SLC38A9: variants seen among roughly 807,000 people sequenced by gnomAD.
SLC38A9 encodes neutral amino acid transporter 9.
Under a neutral mutation model 62.3 loss-of-function variants are expected in SLC38A9, and 48 were observed. The observed-to-expected ratio is 0.77, with a 90% CI of 0.61 to 0.98. The LOEUF (loss-of-function observed/expected upper bound fraction) is 0.98. Among genes scored for constraint, SLC38A9 ranks in the 50% least tolerant of loss-of-function variants. The probability of loss-of-function intolerance (pLI) is 0.00; values close to 1 mark genes in which losing one functional copy is unlikely to be tolerated. For missense variants in SLC38A9, 541 were observed against 679.8 expected (o/e 0.80, Z 2.27); for synonymous variants, 204 against 227.7 (o/e 0.90, Z 0.94).
chr5:55,699,566 A>T (rs1756375728), intron 2 of SLC38A9, among the ~76,000 whole-genome samples: 1 of 152,358 alleles, frequency 6.6e-6, no homozygotes, highest in South Asian at 2.1e-4. Flanking sequence ...AGAACAAGAA[A>T]CAAAAGCAGA....
chr5:55,651,248 C>CT (rs1157691760), intron 10 of SLC38A9, among the ~76,000 whole-genome samples: 4,655 of 117,552 alleles, frequency 0.04, 188 homozygotes, highest in African/African-American at 0.083. Flanking sequence ...CTTTTGCCAT[C>CT]TTTTTTTTTT....
chr5:55,665,293 C>G (rs1750273730), intron 7 of SLC38A9, among the ~76,000 whole-genome samples: 1 of 151,978 alleles, frequency 6.6e-6, no homozygotes, highest in Admixed American at 6.6e-5. Flanking sequence ...TGTCTGTAAT[C>G]CCAGCACGTT....
chr5:55,646,196 C>T (rs530682080), intron 11 of SLC38A9, among the ~76,000 whole-genome samples: 19 of 152,154 alleles, frequency 1.2e-4, no homozygotes, highest in African/African-American at 4.3e-4. Flanking sequence ...GCCAACATGG[C>T]GAAACCTTGT....
intron 3 of SLC38A9, chr5:55,691,098 T>C (rs543320936): frequency 1.7e-5 from 12 of 693,630 alleles, no homozygotes; most frequent in South Asian, 3.0e-5. Flanking sequence ...GCAGTAGGAA[T>C]GCTGCCTGTA....
At chr5:55,707,122 ATCT>A (rs1391716413) in intron 2 of SLC38A9, among the ~76,000 whole-genome samples, 1 of 151,688 alleles carries the variant, frequency 6.6e-6, no homozygotes, top group African/African-American at 2.4e-5. Flanking sequence ...GCCTCAAGTA[ATCT>A]TCTTGCCTCA....
At chr5:55,697,733 C>G in intron 3 of SLC38A9, 113 bp downstream of exon 3, 1 of 507,160 alleles carries the variant, frequency 2.0e-6, no homozygotes, top group Non-Finnish European at 3.4e-6. Context: ...CACACAAATC[C>G]TGTAAGAAAG....
chr5:55,672,776 T>G, intron 3 of SLC38A9, 81 bp from the exon 4 acceptor site: 1 of 1,431,498 alleles, frequency 7.0e-7, no homozygotes, highest in Non-Finnish European at 9.5e-7. Flanking sequence ...TAACTTCTTA[T>G]CCTCCATTAG....
chr5:55,683,891 C>CAATG (rs1753390259), intron 3 of SLC38A9, among the ~76,000 whole-genome samples: 1 of 152,100 alleles, frequency 6.6e-6, no homozygotes, highest in East Asian at 1.9e-4. Flanking sequence ...TACATTTTTA[C>CAATG]TGATTATAAA....
At chr5:55,688,798 A>G (rs1261962123) in intron 3 of SLC38A9, among the ~76,000 whole-genome samples, 2 of 152,228 alleles carry the variant, frequency 1.3e-5, no homozygotes, top group East Asian at 1.9e-4. Context: ...AACTCTCACT[A>G]TAATAGAAAA....
At chr5:55,699,348 G>GT (rs1428367595) in intron 2 of SLC38A9, among the ~76,000 whole-genome samples, 1 of 152,196 alleles carries the variant, frequency 6.6e-6, no homozygotes, top group Non-Finnish European at 1.5e-5. Context: ...ATGAGAATTT[G>GT]CAAGGAACAC....
intron 8 of SLC38A9, among the ~76,000 whole-genome samples, chr5:55,661,768 G>T (rs1039208479): frequency 1.3e-5 from 2 of 152,140 alleles, no homozygotes; most frequent in Non-Finnish European, 2.9e-5. Flanking sequence ...CCACTAATTA[G>T]AAGATATTTG....
At chr5:55,654,144 A>G (rs928941370) in intron 9 of SLC38A9, among the ~76,000 whole-genome samples, 1 of 152,218 alleles carries the variant, frequency 6.6e-6, no homozygotes, top group Admixed American at 6.5e-5. Flanking sequence ...ATCATTTGTC[A>G]AAGAGAAAGA....
At chr5:55,644,770 G>C (rs1364114738) in intron 12 of SLC38A9, among the ~76,000 whole-genome samples, 1 of 151,998 alleles carries the variant, frequency 6.6e-6, no homozygotes, top group Non-Finnish European at 1.5e-5. Flanking sequence ...ACAATATGCA[G>C]ATTAGTTACA....
intron 2 of SLC38A9, among the ~76,000 whole-genome samples, chr5:55,710,125 T>C (rs1351552217): frequency 6.8e-6 from 1 of 146,602 alleles, no homozygotes; most frequent in Non-Finnish European, 1.5e-5. Flanking sequence ...AATCTAAGTC[T>C]AACTGTTCTC....
intron 8 of SLC38A9, among the ~76,000 whole-genome samples, chr5:55,657,713 T>G (rs898510213): frequency 2.0e-5 from 3 of 152,186 alleles, no homozygotes; most frequent in Non-Finnish European, 4.4e-5. Flanking sequence ...GATATTAACC[T>G]TCTATAACCT....
chr5:55,652,190 C>T (rs1402314757), intron 10 of SLC38A9, among the ~76,000 whole-genome samples: 1 of 150,974 alleles, frequency 6.6e-6, no homozygotes, highest in African/African-American at 2.4e-5. Flanking sequence ...GAAATCCCAC[C>T]TCTACCAAAA....
At chr5:55,672,023 A>T (rs536110515) in intron 4 of SLC38A9, among the ~76,000 whole-genome samples, 136 of 151,494 alleles carry the variant, frequency 9.0e-4, no homozygotes, top group Admixed American at 1.8e-3. Context: ...AATTAAAAAA[A>T]TTTTTTTTTG....
At chr5:55,628,578 A>G (rs1160432037) in intron 14 of SLC38A9, among the ~76,000 whole-genome samples, 1 of 152,182 alleles carries the variant, frequency 6.6e-6, no homozygotes, top group Non-Finnish European at 1.5e-5. Context: ...CTCTTTCTAT[A>G]TTTAACAAAC....
chr5:55,649,250 A>G lies in SLC38A9; in HGVS notation c.1017T>C (p.His339=), dbSNP rs1746946047. 1 of 1,609,918 alleles carries G rather than the reference A, an allele frequency of 6.2e-7. No homozygotes were observed. Among genetic ancestry groups the G allele is most frequent in the African/African-American group, 1.3e-5 (1 of 74,912 alleles). Reference sequence around the variant, plus strand: ...TTGGTATAAACCAATGAAATTCCAAATGAAATCCCAAGCGAACAGCCTTAA... The same window carrying G: ...TTGGTATAAACCAATGAAATTCCAAGTGAAATCCCAAGCGAACAGCCTTAA... ...VTFKAVRLGF[H]LEFHWFIPTE... Residue 339 remains histidine (H), a synonymous_variant, in exon 11 of 16, where the codon CAT becomes CAC. Transcript: ENST00000396865.
Sources: gnomAD v4.1 joint callset for allele counts (sites outside exome capture counted in the v4.1 genomes callset) on GRCh38, gnomAD v4.1.1 for gene constraint, MANE v1.5 for transcripts, NCBI Gene and HGNC (gene_info 2026-07-23, HGNC 2026-07-21) for gene names.